Variants in NADK observed in about 807,000 individuals in gnomAD.
The protein encoded by NADK is NAD kinase.
In NADK, 22 loss-of-function variants were observed where a neutral mutation model predicts 49.8. The observed-to-expected ratio is 0.44, with a 90% CI of 0.32 to 0.63. The LOEUF (loss-of-function observed/expected upper bound fraction) is 0.63. Ranked by LOEUF, NADK falls within the 30% of genes least tolerant of loss-of-function variation. NADK has a pLI of 0.06. For synonymous variants in NADK, 268 were observed against 253.7 expected (o/e 1.06, Z -0.54); for missense variants, 438 against 609.4 (o/e 0.72, Z 2.96).
chr1:1,768,513 G>A (rs1645953767), intron 1 of NADK, among the ~76,000 whole-genome samples: 1 of 152,200 alleles, frequency 6.6e-6, no homozygotes, highest in Non-Finnish European at 1.5e-5. Flanking sequence ...CTGTGATTGT[G>A]CTGTTGCACT....
intron 1 of NADK, among the ~76,000 whole-genome samples, chr1:1,773,717 T>TGAGAGAGAGAGAGA (rs1251106836): frequency 8.7e-5 from 12 of 138,062 alleles, no homozygotes; most frequent in Admixed American, 5.7e-4. Context: ...TGTGTGTGTG[T>TGAGAGAGAGAGAGA]GTGTGTGTGT....
rs535279324 is a variant in NADK, at chr1:1,765,131, C to T, written c.179+97G>A. 2.6e-4 allele frequency: 319 copies of T among 1,245,166 alleles called. 4 individuals carry two copies. The South Asian group carries it at 3.6e-3, about 14-fold the overall frequency. The allele number at this position is 1,245,166 out of a possible 1,614,324, so 77.1% of individuals were successfully genotyped here. On this transcript the variant is annotated intron_variant, in intron 2 of 11. Coordinates refer to ENST00000341426, the MANE Select transcript of NADK (RefSeq NM_023018.5). ...CAGCCTCACCTTCCGGATGCATCGA[C>T]GCAGACTACTCAGGAGAATTCTTCA...
rs2100256683 is a variant in NADK at position 1,752,192 on chromosome 1, A to G, written c.*712T>C. ...AAAGTATGTACATCAGCACTTCAGAAAGTTTAAAAGAGTCTCTAAAAAGTA... is the reference window on the plus strand; with the variant it reads ...AAAGTATGTACATCAGCACTTCAGAGAGTTTAAAAGAGTCTCTAAAAAGTA... On this transcript the variant is annotated 3_prime_UTR_variant, in exon 12 of 12. Coordinates refer to ENST00000341426, the MANE Select transcript of NADK (RefSeq NM_023018.5). 6.5e-6 allele frequency: 1 copy of G among 152,806 alleles called. No homozygotes were observed. The highest frequency in any genetic ancestry group is 2.1e-4 in the South Asian group (1 of 4,834). The allele number at this position is 152,806 out of a possible 1,614,324, so 9.5% of individuals were successfully genotyped here. A position where few individuals can be genotyped will look rare whatever the true frequency, so the allele number is the denominator to read the frequency against.
Position 1,752,781 on chromosome 1 carries a change from C to G in NADK, c.*123G>C. 1 of 1,180,564 alleles carries G rather than the reference C, an allele frequency of 8.5e-7. No individual in the cohort carries two copies. The highest frequency in any genetic ancestry group is 1.2e-6 in the Non-Finnish European group (1 of 834,002). 73.1% of individuals were successfully genotyped at this position (1,180,564 alleles called of 1,614,324 possible). On this transcript the variant is annotated 3_prime_UTR_variant, in exon 12 of 12. Coordinates refer to ENST00000341426, the MANE Select transcript of NADK (RefSeq NM_023018.5). ...CAAAAGGCAGACCCAGGCTCTAACC[C>G]AGCTACAGAAAGGAAGTGGCCGTGC...
At chr1:1,760,534 T>C (rs770500061) in intron 3 of NADK, among the ~76,000 whole-genome samples, 4 of 152,124 alleles carry the variant, frequency 2.6e-5, no homozygotes, top group Non-Finnish European at 4.4e-5. Context: ...CAAAGGGCCA[T>C]GCAGTGGCCG....
chr1:1,756,805 G>A (rs1443291584), intron 4 of NADK, 197 bp from the exon 5 acceptor site: 8 of 997,278 alleles, frequency 8.0e-6, no homozygotes, highest in Non-Finnish European at 1.1e-5. Flanking sequence ...GGCGGAGGGG[G>A]CTCCCTCTCA....
At chr1:1,771,843 T>G (rs1251606652) in intron 1 of NADK, among the ~76,000 whole-genome samples, 1 of 151,902 alleles carries the variant, frequency 6.6e-6, no homozygotes, top group Non-Finnish European at 1.5e-5. Flanking sequence ...GATCTCCCAC[T>G]GTTGCCCAGG....
intron 6 of NADK, 72 bp from the exon 7 acceptor site, chr1:1,755,548 C>T: frequency 2.7e-6 from 3 of 1,120,374 alleles, no homozygotes; most frequent in East Asian, 2.3e-5. Flanking sequence ...TCCAGCAGCA[C>T]CTCAGGAGGG....
At position 1,757,317 on chromosome 1, in the gene NADK, G is replaced by A; in HGVS notation, c.264-7C>T. Reference sequence around the variant, plus strand: ...CGCGGGGTCCTGAATGTGCCTTTAGGGGAGGAGAAAAGAGTTCACACCAGC... The same window carrying A: ...CGCGGGGTCCTGAATGTGCCTTTAGAGGAGGAGAAAAGAGTTCACACCAGC... On this transcript the variant is annotated splice_region_variant and splice_polypyrimidine_tract_variant and intron_variant, in intron 3 of 11. Transcript: ENST00000341426. The A allele has an allele frequency of 6.2e-7, 1 of 1,612,092 alleles. No individual in the cohort carries two copies. The highest frequency in any genetic ancestry group is 2.2e-5 in the East Asian group (1 of 44,834).
intron 1 of NADK, among the ~76,000 whole-genome samples, chr1:1,777,928 G>A (rs1646259092): frequency 6.6e-6 from 1 of 152,158 alleles, no homozygotes; most frequent in African/African-American, 2.4e-5. Flanking sequence ...ACGAGTCAAA[G>A]ACCCCTCCTG....
chr1:1,765,465 A>G lies in NADK; in HGVS notation c.-40-19T>C, dbSNP rs1340467128. On this transcript the variant is annotated intron_variant, in intron 1 of 11. Transcript: ENST00000341426. ...CTGATGCCTTAATTTAATAAAATAAATAATGTAAATAAAGTAAATAAATAT... is the reference window on the plus strand; with the variant it reads ...CTGATGCCTTAATTTAATAAAATAAGTAATGTAAATAAAGTAAATAAATAT... 2.1e-5 allele frequency: 24 copies of G among 1,132,740 alleles called. No homozygotes were observed. Among genetic ancestry groups the G allele is most frequent in the Non-Finnish European group, 2.8e-5 (23 of 825,024 alleles). The allele number at this position is 1,132,740 out of a possible 1,614,324, so 70.2% of individuals were successfully genotyped here. A position where few individuals can be genotyped will look rare whatever the true frequency, so the allele number is the denominator to read the frequency against.
Position 1,752,936 on chromosome 1 carries a change from C to CG in NADK, c.1308dup (p.Glu437ArgfsTer68). ...TCCTCCTCCTCCTCCTCCTCCTCCT[C>CG]GAAGTGGGCTTGCTTCTTCCGGACG... On this transcript the variant is annotated frameshift_variant, in exon 12 of 12. Transcript: ENST00000341426. LOFTEE classifies it high-confidence loss of function. The CG allele has an allele frequency of 6.2e-7, 1 of 1,601,660 alleles. No homozygotes were observed.
At chr1:1,766,841 A>C (rs1207450854) in intron 1 of NADK, among the ~76,000 whole-genome samples, 2 of 151,942 alleles carry the variant, frequency 1.3e-5, no homozygotes, top group African/African-American at 4.8e-5. Flanking sequence ...TCCTGGCCTC[A>C]AGTGATCCTC....
intron 2 of NADK, among the ~76,000 whole-genome samples, chr1:1,762,892 G>A (rs1039716019): frequency 1.3e-5 from 2 of 152,238 alleles, no homozygotes; most frequent in South Asian, 4.1e-4. Flanking sequence ...GCAGCCGCAC[G>A]CGTCCTGGGG....
chr1:1,758,293 C>A, intron 3 of NADK: 1 of 1,516,390 alleles, frequency 6.6e-7, no homozygotes, highest in Non-Finnish European at 8.9e-7. Flanking sequence ...ACAACACAGA[C>A]GCCGATGGCA....
intron 10 of NADK, 124 bp from the exon 11 acceptor site, chr1:1,753,773 G>A: frequency 1.1e-6 from 1 of 924,184 alleles, no homozygotes; most frequent in Non-Finnish European, 1.7e-6. Flanking sequence ...TGCGGACGGT[G>A]CAGTGCACGT....
chr1:1,768,031 C>A (rs1277968758), intron 1 of NADK, among the ~76,000 whole-genome samples: 1 of 151,894 alleles, frequency 6.6e-6, no homozygotes, highest in Non-Finnish European at 1.5e-5. Context: ...ATTAGCCGGG[C>A]GTGGTGGCGG....
intron 2 of NADK, among the ~76,000 whole-genome samples, chr1:1,763,561 G>A (rs1645793660): frequency 1.3e-5 from 2 of 148,170 alleles, no homozygotes; most frequent in South Asian, 4.2e-4. Context: ...AGAGCTTGCA[G>A]TGAGCCTAGA....
intron 4 of NADK, 95 bp from the exon 5 acceptor site, chr1:1,756,703 G>A (rs751232486): frequency 3.4e-5 from 54 of 1,594,398 alleles, no homozygotes; most frequent in Non-Finnish European, 4.4e-5. Flanking sequence ...CAGAGACCTG[G>A]CATCGTGGCC....
Sources: gnomAD v4.1 joint callset for allele counts (sites outside exome capture counted in the v4.1 genomes callset) on GRCh38, gnomAD v4.1.1 for gene constraint, MANE v1.5 for transcripts, NCBI Gene and HGNC (gene_info 2026-07-23, HGNC 2026-07-21) for gene names.